GALNT2: variants seen among roughly 807,000 people sequenced by gnomAD.
The protein encoded by GALNT2 is UDP-GalNAc:polypeptide N-acetylgalactosaminyltransferase 2.
A neutral mutation model predicts 81.4 loss-of-function variants in GALNT2; 31 were observed. The ratio of observed to expected loss-of-function variants is 0.38; its 90% confidence interval spans 0.29 to 0.51. GALNT2 has a LOEUF of 0.51. Among genes scored for constraint, GALNT2 ranks in the 20% least tolerant of loss-of-function variants. GALNT2 has a pLI of 0.87. For missense variants in GALNT2, 629 were observed against 765.7 expected (o/e 0.82, Z 2.11); for synonymous variants, 303 against 287.4 (o/e 1.05, Z -0.55).
intron 1 of GALNT2, among the ~76,000 whole-genome samples, chr1:230,087,708 T>C (rs945570410): frequency 6.6e-6 from 1 of 152,220 alleles, no homozygotes; most frequent in Non-Finnish European, 1.5e-5. Context: ...CTCCATCTTT[T>C]GGGAGTAACT....
intron 1 of GALNT2, among the ~76,000 whole-genome samples, chr1:230,068,436 A>G (rs1659274931): frequency 6.6e-6 from 1 of 152,212 alleles, no homozygotes; most frequent in Non-Finnish European, 1.5e-5. Context: ...AAGCAGCGTT[A>G]TCTTTTCCGA....
intron 1 of GALNT2, among the ~76,000 whole-genome samples, chr1:230,073,265 T>C (rs984779759): frequency 6.6e-6 from 1 of 152,206 alleles, no homozygotes; most frequent in African/African-American, 2.4e-5. Flanking sequence ...CTGTGCTTGA[T>C]CTTCATGATG....
intron 1 of GALNT2, among the ~76,000 whole-genome samples, chr1:230,138,934 T>C (rs190231987): frequency 2.0e-5 from 3 of 152,322 alleles, no homozygotes; most frequent in African/African-American, 2.4e-5. Flanking sequence ...GACCTGTATC[T>C]CATGCTGACC....
intron 1 of GALNT2, among the ~76,000 whole-genome samples, chr1:230,092,350 T>G (rs1223964913): frequency 6.6e-6 from 1 of 151,890 alleles, no homozygotes; most frequent in African/African-American, 2.4e-5. Flanking sequence ...TCTTTTGGCT[T>G]TATAGTAGAG....
chr1:230,181,833 G>A (rs1663170029), intron 2 of GALNT2, among the ~76,000 whole-genome samples: 1 of 152,202 alleles, frequency 6.6e-6, no homozygotes, highest in African/African-American at 2.4e-5. Context: ...TTCTTTAAAT[G>A]TGGGTCAGAA....
intron 3 of GALNT2, among the ~76,000 whole-genome samples, chr1:230,232,935 A>G (rs546735221): frequency 9.9e-5 from 15 of 152,272 alleles, no homozygotes; most frequent in African/African-American, 3.4e-4. Context: ...ATATTATGCA[A>G]TTTCTCATGA....
At chr1:230,197,064 T>G (rs1663717767) in intron 2 of GALNT2, among the ~76,000 whole-genome samples, 1 of 152,098 alleles carries the variant, frequency 6.6e-6, no homozygotes, top group Non-Finnish European at 1.5e-5. Flanking sequence ...TATTCCTCTT[T>G]CAAGCACTAA....
At chr1:230,246,019 G>A (rs747378080) in intron 7 of GALNT2, 44 bp from the exon 8 acceptor site, 6 of 1,551,572 alleles carry the variant, frequency 3.9e-6, no homozygotes, top group Non-Finnish European at 4.5e-6. Flanking sequence ...CAGGTTTTTT[G>A]TTTTGCTGGG....
At chr1:230,277,215 G>C (rs1230374008) in intron 15 of GALNT2, among the ~76,000 whole-genome samples, 1 of 152,118 alleles carries the variant, frequency 6.6e-6, no homozygotes, top group Non-Finnish European at 1.5e-5. Context: ...GAGGATGTGG[G>C]GGCTGTTTCA....
At chr1:230,110,441 G>A (rs1279056236) in intron 1 of GALNT2, among the ~76,000 whole-genome samples, 1 of 152,216 alleles carries the variant, frequency 6.6e-6, no homozygotes, top group Non-Finnish European at 1.5e-5. Context: ...GGTGGCTCAA[G>A]CATGGCCGCT....
At chr1:230,238,108 T>C (rs1177397965) in intron 6 of GALNT2, among the ~76,000 whole-genome samples, 1 of 152,206 alleles carries the variant, frequency 6.6e-6, no homozygotes, top group Non-Finnish European at 1.5e-5. Flanking sequence ...TCTGTAACAA[T>C]TGAATGAGAA....
intron 14 of GALNT2, among the ~76,000 whole-genome samples, chr1:230,269,642 T>A (rs1666120396): frequency 6.6e-6 from 1 of 152,006 alleles, no homozygotes; most frequent in African/African-American, 2.4e-5. Context: ...CACCTGTAAT[T>A]TCAGCACTTT....
At chr1:230,180,296 CTTTTTTTTTTTTTTTTT>C (rs56786141) in intron 2 of GALNT2, among the ~76,000 whole-genome samples, 1 of 70,608 alleles carries the variant, frequency 1.4e-5, no homozygotes, top group Non-Finnish European at 2.7e-5. Flanking sequence ...TGTCTAGGTT[CTTTTTTTTTTTTTTTTT>C]TTTTTTTTTG....
At chr1:230,126,493 G>A (rs770787959) in intron 1 of GALNT2, among the ~76,000 whole-genome samples, 3 of 152,088 alleles carry the variant, frequency 2.0e-5, no homozygotes, top group Non-Finnish European at 4.4e-5. Context: ...GAGGACTAAC[G>A]GATGCCGATG....
intron 1 of GALNT2, among the ~76,000 whole-genome samples, chr1:230,157,608 G>T (rs1028200449): frequency 1.3e-5 from 2 of 152,224 alleles, no homozygotes; most frequent in African/African-American, 4.8e-5. Context: ...ACAAGCTGTG[G>T]TTTGCGTACA....
chr1:230,273,780 G>A (rs189659450), intron 14 of GALNT2, among the ~76,000 whole-genome samples: 84 of 152,276 alleles, frequency 5.5e-4, no homozygotes, highest in African/African-American at 2.0e-3. Context: ...AGCCCTCATG[G>A]AGCTGTTGTA....
At chr1:230,085,748 C>T (rs1306042280) in intron 1 of GALNT2, among the ~76,000 whole-genome samples, 1 of 152,244 alleles carries the variant, frequency 6.6e-6, no homozygotes, top group Admixed American at 6.5e-5. Context: ...TTCTCTTATT[C>T]ATTGCATTTT....
At position 230,240,438 on chromosome 1, in the gene GALNT2, G is replaced by A. The variant is rs143350709; in HGVS notation, c.608-2868G>A. Reference sequence around the variant, plus strand: ...GAAACCCCGTCTTTACTAAAAATACGAAAATTAGCCGGGCATGGTGGCATG... The same window carrying A: ...GAAACCCCGTCTTTACTAAAAATACAAAAATTAGCCGGGCATGGTGGCATG... On this transcript the variant is annotated intron_variant, in intron 6 of 15. Coordinates refer to ENST00000366672, the MANE Select transcript of GALNT2 (RefSeq NM_004481.5). Among the ~76,000 whole-genome samples, 774 of 152,166 alleles carry A rather than the reference G, an allele frequency of 5.1e-3. 6 individuals carry two copies. The highest frequency in any genetic ancestry group is 0.018 in the African/African-American group (739 of 41,520).
chr1:230,084,713 C>G (rs903064724), intron 1 of GALNT2, among the ~76,000 whole-genome samples: 2 of 152,204 alleles, frequency 1.3e-5, no homozygotes, highest in African/African-American at 4.8e-5. Context: ...TCTCCTTCAG[C>G]TGTTTGCCTG....
Sources: allele counts gnomAD v4.1 joint callset (sites outside exome capture counted in the v4.1 genomes callset), GRCh38; gene constraint gnomAD v4.1.1; transcripts MANE v1.5; gene names NCBI Gene and HGNC (gene_info 2026-07-23, HGNC 2026-07-21).